PDGFD: variants seen among roughly 807,000 people sequenced by gnomAD.
The protein encoded by PDGFD is platelet derived growth factor D.
PDGFD carries 30 observed loss-of-function variants against 44.7 expected under a neutral mutation model. The ratio of observed to expected loss-of-function variants is 0.67; its 90% CI spans 0.50 to 0.91. The LOEUF (loss-of-function observed/expected upper bound fraction) is 0.91, where lower values mean the gene tolerates loss of function less well. PDGFD is among the 40% of genes least tolerant of loss of function. The pLI is 0.00. For synonymous variants in PDGFD, 173 were observed against 168.4 expected (o/e 1.03, Z -0.21); for missense variants, 445 against 457.8 (o/e 0.97, Z 0.25).
Position 104,011,086 on chromosome 11 carries a change from A to C in PDGFD, c.125-10831T>G, listed in dbSNP as rs542888166. Among the ~76,000 whole-genome samples the C allele has an allele frequency of 3.3e-5, 5 of 152,282 alleles. 1 individual carries two copies. The highest frequency in any genetic ancestry group is 6.8e-3 in the Middle Eastern group (2 of 292). ...ACCAATATTTTTATAAATATTGTCAATAATGAGGATTTTCTCAGAGTAACT... is the reference window on the plus strand; with the variant it reads ...ACCAATATTTTTATAAATATTGTCACTAATGAGGATTTTCTCAGAGTAACT... On this transcript the variant is annotated intron_variant, in intron 1 of 6. Coordinates refer to ENST00000393158, the MANE Select transcript of PDGFD (RefSeq NM_025208.5).
At chr11:104,027,142 A>G (rs939915036) in intron 1 of PDGFD, among the ~76,000 whole-genome samples, 15 of 152,212 alleles carry the variant, frequency 9.9e-5, no homozygotes, top group African/African-American at 3.6e-4. Context: ...TGATACAATC[A>G]TATGCAATGA....
At chr11:104,121,061 T>A in intron 1 of PDGFD, among the ~76,000 whole-genome samples, 1 of 152,000 alleles carries the variant, frequency 6.6e-6, no homozygotes, top group East Asian at 1.9e-4. Context: ...TCCTATTTAA[T>A]CCAACAAAAG....
At chr11:104,014,096 C>T (rs912611042) in intron 1 of PDGFD, among the ~76,000 whole-genome samples, 4 of 152,166 alleles carry the variant, frequency 2.6e-5, no homozygotes, top group African/African-American at 4.8e-5. Flanking sequence ...AACAATGTCT[C>T]GCATGGGCCC....
chr11:104,043,805 A>T (rs1007896463), intron 1 of PDGFD, among the ~76,000 whole-genome samples: 5 of 152,116 alleles, frequency 3.3e-5, no homozygotes, highest in Non-Finnish European at 7.4e-5. Flanking sequence ...CAGATCTTGC[A>T]TAGGGGACTC....
At chr11:103,925,716 C>CACACACACATAT (rs1198529368) in intron 6 of PDGFD, among the ~76,000 whole-genome samples, 14 of 122,778 alleles carry the variant, frequency 1.1e-4, no homozygotes, top group East Asian at 1.0e-3. Context: ...CACACACACA[C>CACACACACATAT]ATATATATAT....
intron 6 of PDGFD, among the ~76,000 whole-genome samples, chr11:103,917,728 A>G (rs1346566806): frequency 6.6e-6 from 1 of 152,160 alleles, no homozygotes; most frequent in East Asian, 1.9e-4. Context: ...TGGACCTGGG[A>G]CCAGGACCTG....
intron 3 of PDGFD, among the ~76,000 whole-genome samples, chr11:103,955,163 C>CAAAAAAAAAAAAAAAAAAAAAA (rs539890054): frequency 1.7e-5 from 1 of 58,412 alleles, no homozygotes; most frequent in Non-Finnish European, 3.0e-5. Context: ...GACTCCGTCT[C>CAAAAAAAAAAAAAAAAAAAAAA]AAAAAAAAAA....
At position 104,082,858 on chromosome 11, in the gene PDGFD, A is replaced by T. The variant is rs546846958; in HGVS notation, c.124+80946T>A. Among the ~76,000 whole-genome samples, 42 of 152,170 alleles carry T rather than the reference A, an allele frequency of 2.8e-4. No homozygotes were observed. In the South Asian group the frequency reaches 8.7e-3, roughly 32 times the overall value. On this transcript the variant is annotated intron_variant, in intron 1 of 6. Coordinates refer to ENST00000393158, the MANE Select transcript of PDGFD (RefSeq NM_025208.5). ...AGTCTCCAACTCCTGTCTTAAAGTG[A>T]TCCTCCCTCCTTGGTCTCCCAAACT...
intron 1 of PDGFD, among the ~76,000 whole-genome samples, chr11:104,118,182 A>G (rs1181626841): frequency 6.6e-6 from 1 of 151,880 alleles, no homozygotes. Flanking sequence ...TGGATTATGA[A>G]GCCTAATCCT....
In PDGFD at chr11:103,948,480, C is replaced by T. The variant is rs536753600; in HGVS notation, c.511-756G>A. Among the ~76,000 whole-genome samples the T allele has an allele frequency of 6.4e-4, 98 of 152,286 alleles. 1 individual carries two copies. The highest frequency in any genetic ancestry group is 1.3e-3 in the Non-Finnish European group (88 of 68,020). On this transcript the variant is annotated intron_variant, in intron 3 of 6. Transcript: ENST00000393158. ...CTTGTCTCCCATTTGTATGTGACCT[C>T]CATGTTAATTACTACAGCACCAGGA...
At chr11:104,085,916 G>C (rs1861122204) in intron 1 of PDGFD, among the ~76,000 whole-genome samples, 1 of 152,124 alleles carries the variant, frequency 6.6e-6, no homozygotes, top group South Asian at 2.1e-4. Context: ...AAGTTCTCAA[G>C]GACTCCCAGG....
chr11:104,126,593 C>A (rs988295636), intron 1 of PDGFD, among the ~76,000 whole-genome samples: 1 of 152,032 alleles, frequency 6.6e-6, no homozygotes, highest in Non-Finnish European at 1.5e-5. Context: ...AATTAGGATG[C>A]TATTTCTGTT....
At chr11:104,144,533 AC>A (rs1443327254) in intron 1 of PDGFD, among the ~76,000 whole-genome samples, 103 of 113,690 alleles carry the variant, frequency 9.1e-4, no homozygotes, top group East Asian at 2.0e-3. Flanking sequence ...AAAAAACCCA[AC>A]AAAACAAAAC....
chr11:103,925,716 C>CATATATATATATAT (rs370841769), intron 6 of PDGFD, among the ~76,000 whole-genome samples: 90 of 122,768 alleles, frequency 7.3e-4, no homozygotes, highest in African/African-American at 2.8e-3. Flanking sequence ...CACACACACA[C>CATATATATATATAT]ATATATATAT....
intron 4 of PDGFD, chr11:103,946,117 T>C (rs1329128396): frequency 6.7e-6 from 1 of 149,430 alleles, no homozygotes; most frequent in Non-Finnish European, 1.5e-5. Flanking sequence ...AATTCTGAAG[T>C]TAACTGCATT....
intron 3 of PDGFD, among the ~76,000 whole-genome samples, chr11:103,968,457 G>A (rs753741593): frequency 4.2e-4 from 64 of 152,200 alleles, no homozygotes; most frequent in Admixed American, 3.9e-3. Flanking sequence ...ACTCATCGTC[G>A]TCCTGTGTTC....
At chr11:104,009,255 T>C (rs912951843) in intron 1 of PDGFD, among the ~76,000 whole-genome samples, 7 of 152,078 alleles carry the variant, frequency 4.6e-5, no homozygotes, top group Non-Finnish European at 1.0e-4. Flanking sequence ...AAAAATGCTG[T>C]AACAAAAGTA....
intron 3 of PDGFD, among the ~76,000 whole-genome samples, chr11:103,979,661 C>T (rs1468758296): frequency 6.6e-6 from 1 of 152,036 alleles, no homozygotes. Context: ...GAGGAAATAA[C>T]TTTTGGGCAT....
At chr11:104,081,647 A>G (rs1289081185) in intron 1 of PDGFD, among the ~76,000 whole-genome samples, 1 of 152,200 alleles carries the variant, frequency 6.6e-6, no homozygotes, top group Non-Finnish European at 1.5e-5. Context: ...AGCTGTTGAT[A>G]AGAATATTCA....
Sources: gnomAD v4.1 joint callset for allele counts (sites outside exome capture counted in the v4.1 genomes callset) on GRCh38, gnomAD v4.1.1 for gene constraint, MANE v1.5 for transcripts, NCBI Gene and HGNC (gene_info 2026-07-23, HGNC 2026-07-21) for gene names.